Variants in FBXW11 observed in about 807,000 individuals in gnomAD.
The protein encoded by FBXW11 is F-box/WD repeat-containing protein 11.
In FBXW11, 19 loss-of-function variants were observed where a neutral mutation model predicts 77.6. The ratio of observed to expected loss-of-function variants is 0.24; its 90% CI spans 0.17 to 0.36. The LOEUF (loss-of-function observed/expected upper bound fraction) is 0.36. FBXW11 is among the 10% of genes least tolerant of loss of function. The probability of loss-of-function intolerance (pLI) is 1.00; values close to 1 mark genes in which losing one functional copy is unlikely to be tolerated. For missense variants in FBXW11, 334 were observed against 704.2 expected, an observed-to-expected ratio of 0.47 and a Z score of 5.95; for synonymous variants, 235 against 249.4, an observed-to-expected ratio of 0.94 and a Z score of 0.54.
intron 1 of FBXW11, among the ~76,000 whole-genome samples, chr5:171,988,260 G>A (rs188804274): frequency 2.0e-5 from 3 of 152,100 alleles, no homozygotes; most frequent in Non-Finnish European, 4.4e-5. Flanking sequence ...TGGAGAAATG[G>A]CTGATTCCTG....
intron 1 of FBXW11, among the ~76,000 whole-genome samples, chr5:171,958,024 C>CGACTACAA (rs1440791637): frequency 2.6e-5 from 4 of 152,164 alleles, no homozygotes; most frequent in African/African-American, 9.7e-5. Context: ...GTGAGATTGT[C>CGACTACAA]GACTACAATT....
At chr5:171,930,014 T>C (rs1762088363) in intron 2 of FBXW11, among the ~76,000 whole-genome samples, 2 of 152,090 alleles carry the variant, frequency 1.3e-5, no homozygotes, top group Admixed American at 6.5e-5. Flanking sequence ...TCCTAGTACA[T>C]CCTTATGCTC....
chr5:172,002,382 G>A (rs892622803), intron 1 of FBXW11, among the ~76,000 whole-genome samples: 2 of 151,558 alleles, frequency 1.3e-5, no homozygotes, highest in African/African-American at 4.9e-5. Context: ...GCCTCTTTAG[G>A]CAGGTCAGTG....
At chr5:171,888,713 C>T (rs1759086190) in intron 7 of FBXW11, among the ~76,000 whole-genome samples, 1 of 152,146 alleles carries the variant, frequency 6.6e-6, no homozygotes, top group South Asian at 2.1e-4. Flanking sequence ...GGGGACTGGA[C>T]AATCAACAGA....
intron 2 of FBXW11, among the ~76,000 whole-genome samples, chr5:171,956,732 A>T (rs1256368638): frequency 6.6e-6 from 1 of 152,232 alleles, no homozygotes; most frequent in Non-Finnish European, 1.5e-5. Flanking sequence ...TCTCAACCAG[A>T]TGCCAGGAAT....
At chr5:172,004,670 G>C (rs1434120751) in intron 1 of FBXW11, among the ~76,000 whole-genome samples, 1 of 152,162 alleles carries the variant, frequency 6.6e-6, no homozygotes, top group African/African-American at 2.4e-5. Flanking sequence ...TCGATATGAA[G>C]TACTTCTGTT....
rs746999494 is a variant in FBXW11 at position 171,868,692 on chromosome 5, G to A, written c.1635C>T (p.Pro545=). 8 of 1,613,930 alleles carry A rather than the reference G, an allele frequency of 5.0e-6. No homozygotes were observed. The highest frequency in any genetic ancestry group is 6.8e-6 in the Non-Finnish European group (8 of 1,179,908). Residue 545 remains proline (P), a synonymous_variant, in exon 13 of 14, where the codon CCC becomes CCT. Coordinates refer to ENST00000517395, the MANE Select transcript of FBXW11 (RefSeq NM_001378974.1). The part of the protein sequence containing the change: ...ILIWDFLNVP[P]SAQNETRSPS... Reference sequence around the variant, plus strand: ...GAGAACGGGTCTCATTCTGGGCACTGGGAGGCACATTTAAGAAATCCCAAA... The same window carrying A: ...GAGAACGGGTCTCATTCTGGGCACTAGGAGGCACATTTAAGAAATCCCAAA...
At position 171,862,297 on chromosome 5, in the gene FBXW11, A is replaced by G. The variant is rs538376504; in HGVS notation, c.*1830T>C. Reference sequence around the variant, plus strand: ...ACTCAACCTCTCAAAAACATAAATTAATTTAGTAACATGGGAAGGAAGGAT... The same window carrying G: ...ACTCAACCTCTCAAAAACATAAATTGATTTAGTAACATGGGAAGGAAGGAT... On this transcript the variant is annotated 3_prime_UTR_variant, in exon 14 of 14. Transcript: ENST00000517395. The G allele has an allele frequency of 6.5e-6, 1 of 152,756 alleles. No individual in the cohort carries two copies. Among genetic ancestry groups the G allele is most frequent in the South Asian group, 2.1e-4 (1 of 4,818 alleles). The allele number at this position is 152,756 out of a possible 1,614,324, so 9.5% of individuals were successfully genotyped here.
chr5:171,916,945 G>A (rs775536729), intron 2 of FBXW11, among the ~76,000 whole-genome samples: 8 of 151,866 alleles, frequency 5.3e-5, no homozygotes, highest in Non-Finnish European at 8.8e-5. Flanking sequence ...TTTTAAATAC[G>A]GAGTCTTGCT....
chr5:171,924,589 C>T (rs1302914401), intron 2 of FBXW11, among the ~76,000 whole-genome samples: 4 of 152,062 alleles, frequency 2.6e-5, no homozygotes, highest in Non-Finnish European at 5.9e-5. Flanking sequence ...CAGGACCTAC[C>T]GAACATGGGT....
intron 5 of FBXW11, among the ~76,000 whole-genome samples, chr5:171,899,669 T>C (rs994075887): frequency 7.1e-5 from 10 of 140,176 alleles, no homozygotes; most frequent in African/African-American, 2.6e-4. Flanking sequence ...GGAAAAAACA[T>C]AAATACATAG....
Position 172,006,537 on chromosome 5 carries a change from G to A in FBXW11, c.-35C>T. 2 of 1,489,202 alleles carry A rather than the reference G, an allele frequency of 1.3e-6. No individual in the cohort carries two copies. The highest frequency in any genetic ancestry group is 1.3e-5 in the South Asian group (1 of 77,726). The allele number at this position is 1,489,202 out of a possible 1,614,324, so 92.2% of individuals were successfully genotyped here. A position where few individuals can be genotyped will look rare whatever the true frequency, so the allele number is the denominator to read the frequency against. Reference sequence around the variant, plus strand: ...GGCGGCCCCGCCTCGCTCTCCCCGCGCAGCAGCGAACGGCCCGGGCGGAGG... The same window carrying A: ...GGCGGCCCCGCCTCGCTCTCCCCGCACAGCAGCGAACGGCCCGGGCGGAGG... On this transcript the variant is annotated 5_prime_UTR_variant, in exon 1 of 14. Coordinates refer to ENST00000517395, the MANE Select transcript of FBXW11 (RefSeq NM_001378974.1).
chr5:171,940,531 T>G (rs1168366611), intron 2 of FBXW11, among the ~76,000 whole-genome samples: 2 of 151,970 alleles, frequency 1.3e-5, no homozygotes, highest in African/African-American at 4.8e-5. Flanking sequence ...AAATACAAGA[T>G]AAGCCTGGAA....
intron 1 of FBXW11, among the ~76,000 whole-genome samples, chr5:171,993,924 A>G (rs1765891201): frequency 6.6e-6 from 1 of 152,224 alleles, no homozygotes; most frequent in Admixed American, 6.5e-5. Context: ...AACAGTGCAG[A>G]CACTGAACAT....
intron 7 of FBXW11, among the ~76,000 whole-genome samples, chr5:171,886,358 TG>T (rs1236484906): frequency 7.5e-6 from 1 of 133,782 alleles, no homozygotes; most frequent in Non-Finnish European, 1.5e-5. Context: ...CACTCATAGG[TG>T]GGAATTGAAC....
chr5:171,996,891 T>C, intron 1 of FBXW11: 1 of 1,282,600 alleles, frequency 7.8e-7, no homozygotes, highest in South Asian at 1.2e-5. Flanking sequence ...ATTGCTTACC[T>C]GGAAAATATT....
At chr5:171,880,783 G>C (rs940668574) in intron 7 of FBXW11, among the ~76,000 whole-genome samples, 1 of 152,042 alleles carries the variant, frequency 6.6e-6, no homozygotes, top group Admixed American at 6.6e-5. Context: ...TGCAACCTCC[G>C]CCTCCCAAGT....
At chr5:171,996,570 G>A (rs977701257) in intron 1 of FBXW11, among the ~76,000 whole-genome samples, 72 of 152,188 alleles carry the variant, frequency 4.7e-4, no homozygotes, top group African/African-American at 1.7e-3. Context: ...GGCTAAGGCA[G>A]GAAGATCGTG....
intron 1 of FBXW11, among the ~76,000 whole-genome samples, chr5:171,964,503 A>G (rs1253726580): frequency 6.6e-6 from 1 of 152,246 alleles, no homozygotes; most frequent in African/African-American, 2.4e-5. Context: ...CTGCCAAATA[A>G]ACTAAGCATT....
Sources: allele counts gnomAD v4.1 joint callset (sites outside exome capture counted in the v4.1 genomes callset), GRCh38; gene constraint gnomAD v4.1.1; transcripts MANE v1.5; gene names NCBI Gene and HGNC (gene_info 2026-07-23, HGNC 2026-07-21).